The following TJP2 variants were observed in gnomAD, a reference collection of about 807,000 sequenced individuals.
TJP2 encodes Friedreich ataxia region gene X104 (tight junction protein ZO-2).
In TJP2, 91 loss-of-function variants were observed where a neutral mutation model predicts 133.1. The observed-to-expected ratio is 0.68, with a 90% CI of 0.58 to 0.81. The LOEUF is 0.81. Ranked by LOEUF, TJP2 falls within the 40% of genes least tolerant of loss-of-function variation. The pLI, the probability that TJP2 is intolerant of heterozygous loss-of-function variation, is 0.00. For synonymous variants in TJP2, 592 were observed against 583.4 expected, an observed-to-expected ratio of 1.01 and a Z score of -0.21; for missense variants, 1,541 against 1,565.6, an observed-to-expected ratio of 0.98 and a Z score of 0.26.
chr9:69,208,335 C>T (rs76748097), intron 1 of TJP2, among the ~76,000 whole-genome samples: 3,385 of 152,174 alleles, frequency 0.022, 60 homozygotes, highest in Non-Finnish European at 0.033. Context: ...AAGAAGAAGC[C>T]TCGCAATCTG....
Position 69,246,800 on chromosome 9 carries a change from A to G in TJP2, c.2667+10A>G. 6.2e-7 allele frequency: 1 copy of G among 1,611,066 alleles called. No homozygotes were observed. The highest frequency in any genetic ancestry group is 1.1e-5 in the South Asian group (1 of 91,022). ...GGTCTCTGAAGGAAAGGTATGTGGC[A>G]TAGATATGCTGCTATGAGGTGAGAG... On this transcript the variant is annotated intron_variant, in intron 18 of 22. Transcript: ENST00000377245.
At chr9:69,221,954 C>T (rs888196831) in intron 5 of TJP2, among the ~76,000 whole-genome samples, 2 of 151,130 alleles carry the variant, frequency 1.3e-5, no homozygotes, top group African/African-American at 4.9e-5. Flanking sequence ...TCACTGCAAC[C>T]TCCGCCTCCC....
intron 11 of TJP2, among the ~76,000 whole-genome samples, chr9:69,233,235 C>T (rs540680861): frequency 3.9e-5 from 6 of 152,238 alleles, no homozygotes; most frequent in African/African-American, 1.2e-4. Flanking sequence ...AGTCTAATGC[C>T]GACTTTCACT....
At chr9:69,133,298 G>A (rs1192488335) in intron 1 of TJP2, among the ~76,000 whole-genome samples, 1 of 152,114 alleles carries the variant, frequency 6.6e-6, no homozygotes, top group Admixed American at 6.5e-5. Flanking sequence ...AAACAAGGCC[G>A]TGTATGTAGA....
Position 69,142,221 on chromosome 9 carries a change from G to A in TJP2, c.-130-9430G>A, listed in dbSNP as rs112340913. Among the ~76,000 whole-genome samples the A allele has an allele frequency of 5.6e-4, 86 of 152,312 alleles. 1 individual carries two copies. The highest frequency in any genetic ancestry group is 2.1e-3 in the African/African-American group (86 of 41,574). ...TTGTGCCAGAGGACAGGATTGGAAC[G>A]ATAAATTTGATGACATCCAGTTGAA... On this transcript the variant is annotated intron_variant, in intron 1 of 5. Coordinates refer to the TJP2 transcript ENST00000423935.
chr9:69,169,371 G>GT (rs1231624023), upstream of TJP2, among the ~76,000 whole-genome samples: 16 of 145,986 alleles, frequency 1.1e-4, no homozygotes, highest in Admixed American at 4.1e-4. Flanking sequence ...TTTTTTTTTG[G>GT]GGGGGGGATG....
chr9:69,252,739 C>A, intron 21 of TJP2, 76 bp from the exon 22 acceptor site: 2 of 1,380,560 alleles, frequency 1.4e-6, no homozygotes, highest in Non-Finnish European at 2.1e-6. Flanking sequence ...AGGGTGGGAC[C>A]AGCAGGAAAC....
intron 1 of TJP2, among the ~76,000 whole-genome samples, chr9:69,181,792 AAGAC>A (rs903126930): frequency 1.9e-4 from 29 of 152,286 alleles, no homozygotes; most frequent in African/African-American, 6.5e-4. Context: ...ATTTTTTAAA[AAGAC>A]AGAGTCCAAG....
intron 15 of TJP2, 38 bp downstream of exon 15, chr9:69,238,011 A>G (rs938469529): frequency 2.7e-6 from 4 of 1,464,162 alleles, no homozygotes; most frequent in Non-Finnish European, 3.8e-6. Context: ...CCAAATTTTT[A>G]TTTTGAAAAA....
intron 4 of TJP2, among the ~76,000 whole-genome samples, chr9:69,219,144 T>C (rs902739010): frequency 1.3e-5 from 2 of 152,114 alleles, no homozygotes; most frequent in Non-Finnish European, 2.9e-5. Context: ...TAATTTTGTA[T>C]TTTTAGTAGA....
chr9:69,130,015 C>CAAAAA (rs11355311), intron 1 of TJP2, among the ~76,000 whole-genome samples: 24 of 94,126 alleles, frequency 2.5e-4, no homozygotes, highest in East Asian at 5.5e-4. Context: ...AACTCTGCCT[C>CAAAAA]AAAAAAAAAA....
chr9:69,127,236 A>AT (rs568289555), intron 1 of TJP2, among the ~76,000 whole-genome samples: 4,149 of 73,564 alleles, frequency 0.056, 1,533 homozygotes, highest in African/African-American at 0.16. Context: ...CGCCCGGCTA[A>AT]TTTTTTGTAT....
At chr9:69,218,112 T>C in intron 3 of TJP2, 145 bp from the exon 4 acceptor site, 2 of 671,492 alleles carry the variant, frequency 3.0e-6, no homozygotes, top group South Asian at 1.7e-5. Flanking sequence ...TCAGGCCAAG[T>C]TGACTGGGCC....
At chr9:69,174,510 G>T in intron 1 of TJP2, 78 bp downstream of exon 1, 1 of 1,446,986 alleles carries the variant, frequency 6.9e-7, no homozygotes, top group Non-Finnish European at 9.5e-7. Context: ...CTCTGCTCGC[G>T]TGCTGCTCTG....
chr9:69,193,013 T>A (rs530295809), intron 1 of TJP2, among the ~76,000 whole-genome samples: 1 of 150,134 alleles, frequency 6.7e-6, no homozygotes, highest in African/African-American at 2.5e-5. Context: ...CCTCCTGGGC[T>A]CAAGCTGTCC....
Position 69,212,596 on chromosome 9 carries a change from C to T in TJP2, c.109C>T (p.Gln37Ter). Reference sequence around the variant, plus strand: ...ATGGGAACAGTACACTGTGACCCTACAAAAGGTGAGTTCTGCACATTTCAT... The same window carrying T: ...ATGGGAACAGTACACTGTGACCCTATAAAAGGTGAGTTCTGCACATTTCAT... Reference protein sequence around the residue: ...LIWEQYTVTLQKDSKRGFGIA... With the variant: ...LIWEQYTVTL Residue 37 changes from glutamine (Q) to a stop codon, truncating the protein, a stop_gained, in exon 2 of 23, where the codon CAA (glutamine) becomes TAA (stop). Coordinates refer to ENST00000377245, the MANE Select transcript of TJP2 (RefSeq NM_004817.4). LOFTEE classifies it high-confidence loss of function. 6.2e-7 allele frequency: 1 copy of T among 1,610,920 alleles called. No homozygotes were observed. Among genetic ancestry groups the T allele is most frequent in the Non-Finnish European group, 8.5e-7 (1 of 1,177,210 alleles).
At chr9:69,145,556 C>A in intron 1 of TJP2, 1 of 417,938 alleles carries the variant, frequency 2.4e-6, no homozygotes. Flanking sequence ...GTGGTCTGCC[C>A]CCCCATCACC....
chr9:69,183,659 G>T (rs1287016552), intron 1 of TJP2, among the ~76,000 whole-genome samples: 1 of 152,150 alleles, frequency 6.6e-6, no homozygotes, highest in Non-Finnish European at 1.5e-5. Flanking sequence ...ACATTGCCTT[G>T]TGGACATGTA....
chr9:69,165,895 C>T (rs1007207417), intron 2 of TJP2, among the ~76,000 whole-genome samples: 4 of 152,228 alleles, frequency 2.6e-5, no homozygotes, highest in Middle Eastern at 3.4e-3. Context: ...ATCAGGGTTA[C>T]GCTCTGCCTC....
Sources: gnomAD v4.1 joint callset for allele counts (sites outside exome capture counted in the v4.1 genomes callset) on GRCh38, gnomAD v4.1.1 for gene constraint, MANE v1.5 for transcripts, NCBI Gene and HGNC (gene_info 2026-07-23, HGNC 2026-07-21) for gene names.